TRPM3: variants seen among roughly 807,000 people sequenced by gnomAD.
The protein encoded by TRPM3 is transient receptor potential cation channel subfamily M member 3.
A neutral mutation model predicts 181.2 loss-of-function variants in TRPM3; 77 were observed. The ratio of observed to expected loss-of-function variants is 0.42; its 90% confidence interval spans 0.35 to 0.51. TRPM3 has a LOEUF of 0.51. Among genes scored for constraint, TRPM3 ranks in the 20% least tolerant of loss-of-function variants. The pLI, the probability that TRPM3 is intolerant of heterozygous loss-of-function variation, is 0.01. For missense variants in TRPM3, 1,759 were observed against 2,196.7 expected, an observed-to-expected ratio of 0.80 and a Z score of 3.98; for synonymous variants, 745 against 796.4, an observed-to-expected ratio of 0.94 and a Z score of 1.09.
chr9:70,670,865 C>T (rs75116529), intron 9 of TRPM3, among the ~76,000 whole-genome samples: 4,588 of 152,184 alleles, frequency 0.03, 103 homozygotes, highest in Non-Finnish European at 0.04. Flanking sequence ...TAATTGATTT[C>T]CCTTTTCACA....
At chr9:70,633,761 C>T (rs1023689940) in intron 12 of TRPM3, among the ~76,000 whole-genome samples, 3 of 152,224 alleles carry the variant, frequency 2.0e-5, no homozygotes, top group Admixed American at 6.5e-5. Context: ...TCTAGCCAAT[C>T]ACTTCCTGTG....
At chr9:70,671,930 A>ATTTTTT (rs10633740) in intron 9 of TRPM3, among the ~76,000 whole-genome samples, 1 of 141,516 alleles carries the variant, frequency 7.1e-6, no homozygotes, top group African/African-American at 2.6e-5. Context: ...TGTCCAGCTA[A>ATTTTTT]TTTTTTTTTT....
chr9:70,534,049 C>G lies in TRPM3; in HGVS notation c.*1904G>C, dbSNP rs58618076. ...GATTGTTTTCCTTAAAGGCTTTATTCTTTTTTAAACGTTAATGAGCCAAAT... is the reference window on the plus strand; with the variant it reads ...GATTGTTTTCCTTAAAGGCTTTATTGTTTTTTAAACGTTAATGAGCCAAAT... On this transcript the variant is annotated 3_prime_UTR_variant, in exon 26 of 26. Transcript: ENST00000677713. The G allele has an allele frequency of 2.6e-5, 4 of 152,116 alleles. No individual in the cohort carries two copies. The highest frequency in any genetic ancestry group is 1.3e-4 in the Admixed American group (2 of 15,256). The allele number at this position is 152,116 out of a possible 1,614,324, so 9.4% of individuals were successfully genotyped here.
At chr9:70,621,316 C>T in intron 14 of TRPM3, 43 bp from the exon 15 acceptor site, 1 of 1,533,124 alleles carries the variant, frequency 6.5e-7, no homozygotes, top group South Asian at 1.2e-5. Context: ...TCAGTTAGAT[C>T]TTTCTTTCAT....
intron 6 of TRPM3, 140 bp from the exon 7 acceptor site, chr9:70,784,419 G>T: frequency 1.1e-6 from 1 of 923,480 alleles, no homozygotes; most frequent in Non-Finnish European, 1.6e-6. Context: ...AAGGGATATG[G>T]TACTGAGCAA....
intron 1 of TRPM3, among the ~76,000 whole-genome samples, chr9:71,391,130 G>C (rs12351739): frequency 6.6e-6 from 1 of 151,334 alleles, no homozygotes; most frequent in Non-Finnish European, 1.5e-5. Context: ...TAAGACCACC[G>C]CTGCCTGAAC....
At chr9:70,552,303 C>A (rs2046659019) in intron 24 of TRPM3, among the ~76,000 whole-genome samples, 1 of 152,148 alleles carries the variant, frequency 6.6e-6, no homozygotes, top group South Asian at 2.1e-4. Context: ...GCTAATAGAA[C>A]CTCCTTTTAG....
chr9:71,136,413 T>C (rs570133903), intron 1 of TRPM3, among the ~76,000 whole-genome samples: 6 of 152,156 alleles, frequency 3.9e-5, no homozygotes, highest in Non-Finnish European at 5.9e-5. Flanking sequence ...AAGCCAGAGG[T>C]TGACATGTAC....
intron 1 of TRPM3, among the ~76,000 whole-genome samples, chr9:70,874,494 A>G (rs2095840777): frequency 1.3e-5 from 2 of 151,954 alleles, no homozygotes; most frequent in South Asian, 2.1e-4. Context: ...TTTGGTGTAG[A>G]GTAAAAATGA....
chr9:71,316,991 T>G (rs968710270), intron 1 of TRPM3, among the ~76,000 whole-genome samples: 1 of 152,182 alleles, frequency 6.6e-6, no homozygotes, highest in Non-Finnish European at 1.5e-5. Flanking sequence ...TTCCTAACTT[T>G]TTGAGGCATG....
intron 1 of TRPM3, among the ~76,000 whole-genome samples, chr9:71,013,008 G>T (rs774722941): frequency 1.1e-4 from 17 of 152,002 alleles, no homozygotes; most frequent in Non-Finnish European, 2.4e-4. Context: ...GGTATTTGGA[G>T]ACACACATAC....
At chr9:71,273,026 A>C (rs1379661089) in intron 1 of TRPM3, among the ~76,000 whole-genome samples, 1 of 151,872 alleles carries the variant, frequency 6.6e-6, no homozygotes, top group Non-Finnish European at 1.5e-5. Flanking sequence ...AGGTTCATGC[A>C]ACTGCACCTG....
At chr9:70,545,511 ATAT>A (rs1211156421) in intron 25 of TRPM3, among the ~76,000 whole-genome samples, 4 of 150,028 alleles carry the variant, frequency 2.7e-5, no homozygotes, top group Admixed American at 6.7e-5. Flanking sequence ...CATATGCAAA[ATAT>A]TATTTCAGAG....
At chr9:71,001,029 C>T (rs1478636460) in intron 1 of TRPM3, among the ~76,000 whole-genome samples, 1 of 152,212 alleles carries the variant, frequency 6.6e-6, no homozygotes, top group Non-Finnish European at 1.5e-5. Context: ...GTTTGGCCTA[C>T]TAAATTCCTC....
intron 1 of TRPM3, among the ~76,000 whole-genome samples, chr9:71,207,884 AT>A (rs1048595259): frequency 2.6e-5 from 4 of 151,950 alleles, no homozygotes; most frequent in Admixed American, 2.0e-4. Context: ...CTTCACTTTT[AT>A]TTTTTTCCTT....
Position 70,553,543 on chromosome 9 carries a change from G to T in TRPM3, c.3224-233C>A, listed in dbSNP as rs373950641. Among the ~76,000 whole-genome samples, 30 of 152,290 alleles carry T rather than the reference G, an allele frequency of 2.0e-4. No individual in the cohort carries two copies. The South Asian group carries it at 4.8e-3, about 24-fold the overall frequency. On this transcript the variant is annotated intron_variant, in intron 22 of 25. Coordinates refer to ENST00000677713, the MANE Select transcript of TRPM3 (RefSeq NM_001366145.2). The stretch of plus-strand genomic sequence containing the variant: ...CCACAGTCTCCCCAAGTTATCACCT[G>T]ACCAGAAGAGGGGGGTGGAGCCACC...
chr9:70,561,690 G>A (rs754459905), intron 22 of TRPM3, among the ~76,000 whole-genome samples: 13 of 152,244 alleles, frequency 8.5e-5, no homozygotes, highest in South Asian at 4.1e-4. Context: ...ATGATATGGC[G>A]CAAAGGCAGC....
intron 1 of TRPM3, among the ~76,000 whole-genome samples, chr9:70,998,363 A>G (rs890198548): frequency 6.6e-6 from 1 of 151,852 alleles, no homozygotes; most frequent in Admixed American, 6.6e-5. Context: ...ACTTTCTAGA[A>G]CAATTTTAGG....
intron 1 of TRPM3, among the ~76,000 whole-genome samples, chr9:71,401,623 T>C (rs900429171): frequency 2.0e-5 from 3 of 152,202 alleles, no homozygotes; most frequent in East Asian, 1.9e-4. Flanking sequence ...AATAATGATA[T>C]TCTGAAAGCA....
Sources: gnomAD v4.1 joint callset for allele counts (sites outside exome capture counted in the v4.1 genomes callset) on GRCh38, gnomAD v4.1.1 for gene constraint, MANE v1.5 for transcripts, NCBI Gene and HGNC (gene_info 2026-07-23, HGNC 2026-07-21) for gene names.